The following BLTP1 variants were observed in gnomAD, a reference collection of about 807,000 sequenced individuals.
The protein encoded by BLTP1 is fragile site-associated protein.
At chr4:122,269,904 T>C in the BLTP1 span, among the ~76,000 whole-genome samples, 3 of 152,278 alleles carry the variant, frequency 2.0e-5, no homozygotes, top group South Asian at 6.2e-4. Context: ...TGTCAGGCTT[T>C]TACTTGTCAG....
At chr4:122,210,629 G>A in the BLTP1 span, among the ~76,000 whole-genome samples, 1 of 152,052 alleles carries the variant, frequency 6.6e-6, no homozygotes, top group East Asian at 1.9e-4. Flanking sequence ...TGTTGTTTAT[G>A]TTAACAGAAA....
chr4:122,227,681 T>C, the BLTP1 span: 1 of 164,458 alleles, frequency 6.1e-6, no homozygotes, highest in Non-Finnish European at 1.3e-5. Flanking sequence ...CCTACTTTTA[T>C]GTCCAAAAAA....
chr4:122,219,055 G>T, the BLTP1 span: 16 of 650,638 alleles, frequency 2.5e-5, 1 homozygote, highest in Non-Finnish European at 3.0e-5. Context: ...AGGTCTCTGA[G>T]GACCTAAATT....
the BLTP1 span, chr4:122,254,416 T>C: frequency 7.2e-7 from 1 of 1,385,100 alleles, no homozygotes; most frequent in Non-Finnish European, 9.9e-7. Context: ...CAATTCTGTT[T>C]CATATTTTTA....
chr4:122,330,062 CTTTTT>C, the BLTP1 span, among the ~76,000 whole-genome samples: 1 of 151,554 alleles, frequency 6.6e-6, no homozygotes, highest in Non-Finnish European at 1.5e-5. Flanking sequence ...GCATTTCCGT[CTTTTT>C]TTTAAGGCTG....
the BLTP1 span, chr4:122,289,656 C>A: frequency 1.2e-5 from 12 of 982,786 alleles, no homozygotes; most frequent in South Asian, 4.7e-5. Flanking sequence ...ACATTTTTCA[C>A]AAGCTAAAGT....
At chr4:122,180,723 T>C in the BLTP1 span, among the ~76,000 whole-genome samples, 3 of 152,250 alleles carry the variant, frequency 2.0e-5, no homozygotes, top group Admixed American at 6.5e-5. Flanking sequence ...CACATGCTAT[T>C]TGTAGTAAAA....
chr4:122,236,857 T>A, the BLTP1 span: 1 of 985,062 alleles, frequency 1.0e-6, no homozygotes, highest in Non-Finnish European at 1.2e-6. Context: ...AAGTTTCTTG[T>A]CCAGGGAAGC....
the BLTP1 span, chr4:122,291,604 A>T: frequency 3.7e-5 from 13 of 352,114 alleles, no homozygotes; most frequent in African/African-American, 4.5e-5. Context: ...TTTGTCCACG[A>T]AGGACTTTCA....
At chr4:122,316,319 TAAA>T in the BLTP1 span, 1 of 433,922 alleles carries the variant, frequency 2.3e-6, no homozygotes, top group Non-Finnish European at 4.8e-6. Context: ...GAAATTTTTT[TAAA>T]TTTAATATTA....
chr4:122,317,396 T>A, the BLTP1 span, among the ~76,000 whole-genome samples: 1 of 152,168 alleles, frequency 6.6e-6, no homozygotes, highest in South Asian at 2.1e-4. Flanking sequence ...TCTGAGCACT[T>A]TATGACTGAT....
chr4:122,160,963 T>G, the BLTP1 span: 5 of 166,936 alleles, frequency 3.0e-5, no homozygotes, highest in African/African-American at 1.2e-4. Flanking sequence ...CATTTAATAT[T>G]GATCACTAAA....
At chr4:122,291,690 C>T in the BLTP1 span, 3 of 967,440 alleles carry the variant, frequency 3.1e-6, no homozygotes, top group African/African-American at 3.5e-5. Flanking sequence ...AATGTACAGC[C>T]ATCTTAGAAG....
At chr4:122,242,872 T>C in the BLTP1 span, 25 of 614,536 alleles carry the variant, frequency 4.1e-5, no homozygotes, top group Non-Finnish European at 6.1e-5. Flanking sequence ...TTAATTTGTC[T>C]GTTAAATGTT....
the BLTP1 span, chr4:122,193,682 A>G: frequency 6.5e-5 from 60 of 925,230 alleles, no homozygotes; most frequent in Non-Finnish European, 7.4e-5. Context: ...TTTTCTATTC[A>G]TGAACTAGCT....
chr4:122,214,610 TAAATTC>T, the BLTP1 span: 1 of 523,590 alleles, frequency 1.9e-6, no homozygotes, highest in Non-Finnish European at 2.4e-6. Context: ...TTTTTTTCAG[TAAATTC>T]TTTTTTTTTT....
the BLTP1 span, chr4:122,208,550 C>A: frequency 1.1e-6 from 1 of 945,072 alleles, no homozygotes; most frequent in Non-Finnish European, 1.3e-6. Flanking sequence ...AAATATAGAA[C>A]ATAGTCCACC....
At chr4:122,357,568 CAAAA>C in the BLTP1 span, among the ~76,000 whole-genome samples, 3 of 80,320 alleles carry the variant, frequency 3.7e-5, no homozygotes, top group Non-Finnish European at 5.1e-5. Flanking sequence ...GATCCTGTCT[CAAAA>C]AAAAAAAAAA....
chr4:122,271,924 C>T, the BLTP1 span, among the ~76,000 whole-genome samples: 1 of 152,068 alleles, frequency 6.6e-6, no homozygotes, highest in Non-Finnish European at 1.5e-5. Context: ...TAAACTCTTA[C>T]GTGGTATGTT....
Sources: gnomAD v4.1 joint callset for allele counts (sites outside exome capture counted in the v4.1 genomes callset) on GRCh38, gnomAD v4.1.1 for gene constraint, MANE v1.5 for transcripts, NCBI Gene and HGNC (gene_info 2026-07-23, HGNC 2026-07-21) for gene names.